The following ELL variants were observed in gnomAD, a reference collection of about 807,000 sequenced individuals.
The protein encoded by ELL is RNA polymerase II elongation factor ELL.
In ELL, 18 loss-of-function variants were observed where a neutral mutation model predicts 64.0. The ratio of observed to expected loss-of-function variants is 0.28; its 90% CI spans 0.19 to 0.42. ELL has a LOEUF of 0.42. Among genes scored for constraint, ELL ranks in the 10% least tolerant of loss-of-function variants. ELL has a pLI of 1.00. For synonymous variants in ELL, 399 were observed against 376.2 expected, an observed-to-expected ratio of 1.06 and a Z score of -0.70; for missense variants, 797 against 870.4, an observed-to-expected ratio of 0.92 and a Z score of 1.06.
chr19:18,454,366 G>T (rs1406504609), intron 6 of ELL, among the ~76,000 whole-genome samples: 1 of 152,158 alleles, frequency 6.6e-6, no homozygotes, highest in African/African-American at 2.4e-5. Context: ...GGGCATGGTG[G>T]CGGGCGCCTG....
intron 8 of ELL, among the ~76,000 whole-genome samples, chr19:18,447,236 AC>A (rs1974435223): frequency 6.6e-6 from 1 of 152,220 alleles, no homozygotes; most frequent in Admixed American, 6.5e-5. Context: ...TAAGCTGAAA[AC>A]AAATGACCCC....
chr19:18,489,673 G>C (rs1975486291), intron 1 of ELL, among the ~76,000 whole-genome samples: 1 of 152,186 alleles, frequency 6.6e-6, no homozygotes, highest in Non-Finnish European at 1.5e-5. Context: ...CTCACACTCA[G>C]TGCTGTGTGA....
At chr19:18,486,958 C>T (rs1975431536) in intron 1 of ELL, among the ~76,000 whole-genome samples, 1 of 152,218 alleles carries the variant, frequency 6.6e-6, no homozygotes, top group Non-Finnish European at 1.5e-5. Context: ...ACATGCGCCT[C>T]TGCAGCCAAC....
chr19:18,445,372 G>C lies in ELL; in HGVS notation c.1705-104C>G, dbSNP rs1223444332. ...TCTGAGAAGGGGGCATGGGAGGGTG[G>C]GGCAGCCTCAAGGACAAGGCCAAGT... On this transcript the variant is annotated intron_variant, in intron 10 of 11. Coordinates refer to ENST00000262809, the MANE Select transcript of ELL (RefSeq NM_006532.4). 4.5e-6 allele frequency: 5 copies of C among 1,102,484 alleles called. No homozygotes were observed. The East Asian group carries it at 7.1e-5, about 16-fold the overall frequency. The allele number at this position is 1,102,484 out of a possible 1,614,324, so 68.3% of individuals were successfully genotyped here. A position where few individuals can be genotyped will look rare whatever the true frequency, so the allele number is the denominator to read the frequency against.
chr19:18,488,187 C>T (rs1273740698), intron 1 of ELL, among the ~76,000 whole-genome samples: 1 of 152,190 alleles, frequency 6.6e-6, no homozygotes, highest in Non-Finnish European at 1.5e-5. Flanking sequence ...ACAAAAGGAT[C>T]GGCCCTGTTA....
At chr19:18,518,038 T>C (rs1300403100) in intron 1 of ELL, among the ~76,000 whole-genome samples, 1 of 151,234 alleles carries the variant, frequency 6.6e-6, no homozygotes, top group Non-Finnish European at 1.5e-5. Flanking sequence ...CTGACCAACA[T>C]GGTAAAACCC....
rs778685571 is a variant in ELL, at chr19:18,465,929, G to A, written c.184-11C>T. 28 of 1,298,500 alleles carry A rather than the reference G, an allele frequency of 2.2e-5. 2 individuals carry two copies. In the Admixed American group the frequency reaches 4.9e-4, roughly 23 times the overall value. 80.4% of individuals were successfully genotyped at this position (1,298,500 alleles called of 1,614,324 possible). On this transcript the variant is annotated splice_polypyrimidine_tract_variant and intron_variant, in intron 2 of 11. Transcript: ENST00000262809. ...GGGGATGGAGATGTGCTGCGTGGAG[G>A]GGGAGGGGGTGTCACTGGGAGGTCC...
chr19:18,509,597 A>ACG (rs1975968112), intron 1 of ELL, among the ~76,000 whole-genome samples: 2 of 31,414 alleles, frequency 6.4e-5, no homozygotes, highest in African/African-American at 3.4e-4. Context: ...GCGCGCGCAC[A>ACG]TACACACACA....
chr19:18,498,591 C>A (rs563904827), intron 1 of ELL, among the ~76,000 whole-genome samples: 8 of 152,184 alleles, frequency 5.3e-5, no homozygotes, highest in Admixed American at 3.9e-4. Context: ...CTGTGAGACC[C>A]TCCCCAATGA....
At chr19:18,514,332 T>A (rs555000217) in intron 1 of ELL, among the ~76,000 whole-genome samples, 4 of 151,572 alleles carry the variant, frequency 2.6e-5, no homozygotes, top group African/African-American at 9.7e-5. Context: ...GCTAACACGG[T>A]GAAACCCCAT....
chr19:18,487,252 C>G (rs776844578), intron 1 of ELL, among the ~76,000 whole-genome samples: 1 of 152,188 alleles, frequency 6.6e-6, no homozygotes, highest in South Asian at 2.1e-4. Context: ...CCAACCACCC[C>G]AGAGAGTAGG....
chr19:18,515,523 C>T (rs529263447), intron 1 of ELL, among the ~76,000 whole-genome samples: 2 of 152,398 alleles, frequency 1.3e-5, no homozygotes, highest in East Asian at 1.9e-4. Context: ...GAAATGGGAA[C>T]TGCTCCCACC....
intron 4 of ELL, among the ~76,000 whole-genome samples, chr19:18,465,118 C>T (rs937621694): frequency 1.3e-5 from 2 of 152,216 alleles, no homozygotes; most frequent in African/African-American, 4.8e-5. Flanking sequence ...CAGGGACCAC[C>T]AACTCACAGC....
At chr19:18,485,807 A>T (rs961058900) in intron 1 of ELL, among the ~76,000 whole-genome samples, 1 of 152,120 alleles carries the variant, frequency 6.6e-6, no homozygotes, top group African/African-American at 2.4e-5. Flanking sequence ...TAACACGGTG[A>T]AACCCCATCT....
intron 1 of ELL, among the ~76,000 whole-genome samples, chr19:18,497,527 T>TA (rs1975682586): frequency 6.6e-6 from 1 of 152,122 alleles, no homozygotes; most frequent in Non-Finnish European, 1.5e-5. Context: ...CTCCAGATGA[T>TA]AAAGACGTCA....
chr19:18,495,967 C>T (rs964910260), intron 1 of ELL, among the ~76,000 whole-genome samples: 2 of 152,216 alleles, frequency 1.3e-5, no homozygotes, highest in Admixed American at 6.5e-5. Flanking sequence ...CCTCCGTGAG[C>T]CCCTACCCTA....
chr19:18,492,925 A>T (rs1175394848), intron 1 of ELL, among the ~76,000 whole-genome samples: 1 of 152,128 alleles, frequency 6.6e-6, no homozygotes, highest in East Asian at 1.9e-4. Flanking sequence ...AAAAGCTAGG[A>T]CAAGTTCATT....
At chr19:18,520,753 C>G (rs1976250057) in intron 1 of ELL, among the ~76,000 whole-genome samples, 1 of 141,158 alleles carries the variant, frequency 7.1e-6, no homozygotes, top group Non-Finnish European at 1.5e-5. Context: ...CAAACACACA[C>G]ACACGCAGGG....
At chr19:18,491,094 T>C (rs1445228237) in intron 1 of ELL, among the ~76,000 whole-genome samples, 1 of 152,134 alleles carries the variant, frequency 6.6e-6, no homozygotes, top group Non-Finnish European at 1.5e-5. Context: ...GTTTTGTTTT[T>C]TCCTTTGAGA....
Sources: allele counts gnomAD v4.1 joint callset (sites outside exome capture counted in the v4.1 genomes callset), GRCh38; gene constraint gnomAD v4.1.1; transcripts MANE v1.5; gene names NCBI Gene and HGNC (gene_info 2026-07-23, HGNC 2026-07-21).